The following MAP3K20 variants were observed in gnomAD, a reference collection of about 807,000 sequenced individuals.
MAP3K20 encodes mitogen-activated protein kinase kinase kinase 20.
In MAP3K20, 40 loss-of-function variants were observed where a neutral mutation model predicts 85.7. That is an observed-to-expected ratio of 0.47 (90% confidence interval 0.36 to 0.61). The LOEUF is 0.61. MAP3K20 is among the 20% of genes least tolerant of loss of function. MAP3K20 has a pLI of 0.00. For synonymous variants in MAP3K20, 325 were observed against 327.7 expected (o/e 0.99, Z 0.09); for missense variants, 817 against 961.7 (o/e 0.85, Z 1.99).
chr2:173,243,825 G>A (rs1684852857), intron 16 of MAP3K20, among the ~76,000 whole-genome samples: 1 of 152,084 alleles, frequency 6.6e-6, no homozygotes, highest in African/African-American at 2.4e-5. Context: ...GGGTTTCACC[G>A]TGTTAGTAGC....
chr2:173,092,222 C>A (rs1034953016), intron 2 of MAP3K20, among the ~76,000 whole-genome samples: 1 of 152,186 alleles, frequency 6.6e-6, no homozygotes, highest in Non-Finnish European at 1.5e-5. Context: ...ACTGAGAGAT[C>A]TCTGCCTTGG....
In MAP3K20 at chr2:173,266,802, AAATGT is replaced by A; in HGVS notation, c.*57_*61del. 7.7e-7 allele frequency: 1 copy of A among 1,298,332 alleles called. No individual in the cohort carries two copies. The highest frequency in any genetic ancestry group is 1.5e-5 in the African/African-American group (1 of 65,956). The allele number at this position is 1,298,332 out of a possible 1,614,324, so 80.4% of individuals were successfully genotyped here. A position where few individuals can be genotyped will look rare whatever the true frequency, so the allele number is the denominator to read the frequency against. On this transcript the variant is annotated 3_prime_UTR_variant, in exon 20 of 20. Coordinates refer to ENST00000375213, the MANE Select transcript of MAP3K20 (RefSeq NM_016653.3). ...GCAGGTTAAAAAAAAAAAAAAAAAG[AAATGT>A]AATGGTTTTTGATAATATGATCCCT...
chr2:173,263,870 C>T lies in MAP3K20; in HGVS notation c.1677C>T (p.Gly559=), dbSNP rs749078774. The part of the protein sequence containing the change: ...AIQTLFTNSD[G]NPGSRSDSSA... ...AGACATTATTCACCAATTCAGATGG[C>T]AACCCTGGAAGCAGGTCCGACTCAA... Residue 559 remains glycine (G), a synonymous_variant, in exon 19 of 20, where the codon GGC becomes GGT. Coordinates refer to ENST00000375213, the MANE Select transcript of MAP3K20 (RefSeq NM_016653.3). 186 of 1,611,842 alleles carry T rather than the reference C, an allele frequency of 1.2e-4. No individual in the cohort carries two copies. The highest frequency in any genetic ancestry group is 1.9e-4 in the Admixed American group (11 of 59,284).
At chr2:173,082,263 C>A (rs888959030) in intron 1 of MAP3K20, among the ~76,000 whole-genome samples, 1 of 152,198 alleles carries the variant, frequency 6.6e-6, no homozygotes, top group African/African-American at 2.4e-5. Flanking sequence ...CCACTTTGGC[C>A]TCCCAAAGAA....
intron 8 of MAP3K20, among the ~76,000 whole-genome samples, chr2:173,199,992 CATG>C (rs1690992285): frequency 6.6e-6 from 1 of 152,104 alleles, no homozygotes; most frequent in African/African-American, 2.4e-5. Context: ...CTATTTTATT[CATG>C]ATATGTTCTG....
chr2:173,266,819 A>G lies in MAP3K20; in HGVS notation c.*69A>G. On this transcript the variant is annotated 3_prime_UTR_variant, in exon 20 of 20. Coordinates refer to ENST00000375213, the MANE Select transcript of MAP3K20 (RefSeq NM_016653.3). ...AAAAAAAGAAATGTAATGGTTTTTG[A>G]TAATATGATCCCTTCAGATTGAATT... 7.6e-7 allele frequency: 1 copy of G among 1,315,428 alleles called. No individual in the cohort carries two copies. Among genetic ancestry groups the G allele is most frequent in the Non-Finnish European group, 1.0e-6 (1 of 993,784 alleles). 81.5% of individuals were successfully genotyped at this position (1,315,428 alleles called of 1,614,324 possible).
At chr2:173,230,314 T>TG (rs1313340588) in intron 12 of MAP3K20, among the ~76,000 whole-genome samples, 3 of 151,938 alleles carry the variant, frequency 2.0e-5, no homozygotes, top group South Asian at 4.2e-4. Flanking sequence ...TGAACATACT[T>TG]GAAAAAAAAG....
In MAP3K20 at chr2:173,208,632, C is replaced by T. The variant is rs1683772060; in HGVS notation, c.745-1097C>T. Among the ~76,000 whole-genome samples the T allele has an allele frequency of 3.9e-5, 6 of 151,912 alleles. 1 individual carries two copies. The South Asian group carries it at 1.2e-3, about 31-fold the overall frequency. ...TGCCCTTGAAAGAGAATAATAATGG[C>T]AGAACTCATTATATATCCTAGGTTT... On this transcript the variant is annotated intron_variant, in intron 9 of 19. Coordinates refer to ENST00000375213, the MANE Select transcript of MAP3K20 (RefSeq NM_016653.3).
rs1388150311 is a variant in MAP3K20 at position 173,237,018 on chromosome 2, C to CTT, written c.1204-1355_1204-1354insTT. Among the ~76,000 whole-genome samples, 875 of 119,668 alleles carry CTT rather than the reference C, an allele frequency of 7.3e-3. 10 individuals are homozygous for CTT. Among genetic ancestry groups the CTT allele is most frequent in the Middle Eastern group, 0.012 (3 of 250 alleles). 78.5% of individuals were successfully genotyped at this position (119,668 alleles called of 152,430 possible). A position where few individuals can be genotyped will look rare whatever the true frequency, so the allele number is the denominator to read the frequency against. On this transcript the variant is annotated intron_variant, in intron 14 of 19. Coordinates refer to ENST00000375213, the MANE Select transcript of MAP3K20 (RefSeq NM_016653.3). ...ACTGGACAGTGGAGCAGTATATCCA[C>CTT]CTTTTTTTTTTTTTTTTTTTTTTTT...
At chr2:173,240,277 G>C (rs1376526248) in intron 16 of MAP3K20, among the ~76,000 whole-genome samples, 3 of 152,166 alleles carry the variant, frequency 2.0e-5, no homozygotes, top group African/African-American at 7.2e-5. Context: ...TACTCATAAT[G>C]TGGAAGCCTT....
intron 4 of MAP3K20, among the ~76,000 whole-genome samples, chr2:173,183,382 A>AT: frequency 6.6e-6 from 1 of 152,350 alleles, no homozygotes; most frequent in Admixed American, 6.5e-5. Context: ...TGCTAAAAAT[A>AT]GAAACCACTT....
At chr2:173,218,496 T>G (rs1384210823) in intron 11 of MAP3K20, among the ~76,000 whole-genome samples, 1 of 152,222 alleles carries the variant, frequency 6.6e-6, no homozygotes, top group Non-Finnish European at 1.5e-5. Flanking sequence ...TGAGGGAAGT[T>G]TCCTGTTCTG....
chr2:173,236,708 G>A (rs1421934690), intron 14 of MAP3K20, among the ~76,000 whole-genome samples: 1 of 152,160 alleles, frequency 6.6e-6, no homozygotes, highest in African/African-American at 2.4e-5. Flanking sequence ...TTTCCAACAA[G>A]TTTATATGAG....
intron 2 of MAP3K20, among the ~76,000 whole-genome samples, chr2:173,099,498 CTT>C (rs1217232457): frequency 1.3e-5 from 2 of 151,854 alleles, no homozygotes; most frequent in African/African-American, 4.8e-5. Flanking sequence ...TTTATTTTGT[CTT>C]TTTTTATTTT....
chr2:173,229,231 T>C lies in MAP3K20; in HGVS notation c.988-458T>C, dbSNP rs182428689. Among the ~76,000 whole-genome samples the C allele has an allele frequency of 2.1e-3, 322 of 152,358 alleles. 1 individual carries two copies. Among genetic ancestry groups the C allele is most frequent in the Middle Eastern group, 0.01 (3 of 294 alleles). ...GTGCTAACATTTGGTTTTTAAAATA[T>C]TGTGCAAATGAGATCTTTCAACACT... On this transcript the variant is annotated intron_variant, in intron 11 of 19. Coordinates refer to ENST00000375213, the MANE Select transcript of MAP3K20 (RefSeq NM_016653.3).
intron 7 of MAP3K20, among the ~76,000 whole-genome samples, chr2:173,195,188 TAAAAAAAAA>T (rs34601946): frequency 8.1e-6 from 1 of 122,810 alleles, no homozygotes; most frequent in African/African-American, 3.0e-5. Flanking sequence ...AGCCTCTCTT[TAAAAAAAAA>T]AAAAAAAAAA....
At chr2:173,254,939 C>T (rs113246884) in intron 16 of MAP3K20, among the ~76,000 whole-genome samples, 2 of 152,304 alleles carry the variant, frequency 1.3e-5, no homozygotes, top group African/African-American at 4.8e-5. Flanking sequence ...CTGCATGTTG[C>T]AGCATATTCT....
At chr2:173,091,258 T>C in intron 2 of MAP3K20, 68 bp downstream of exon 2, 2 of 1,537,388 alleles carry the variant, frequency 1.3e-6, no homozygotes, top group Non-Finnish European at 1.8e-6. Flanking sequence ...AACCTCGAGT[T>C]AGAGGGTCAC....
intron 3 of MAP3K20, among the ~76,000 whole-genome samples, chr2:173,172,749 C>CA (rs1275697917): frequency 1.3e-5 from 2 of 151,886 alleles, no homozygotes; most frequent in African/African-American, 4.8e-5. Context: ...ACAAGAAACT[C>CA]AGAGTCCAAA....
Sources: gnomAD v4.1 joint callset for allele counts (sites outside exome capture counted in the v4.1 genomes callset) on GRCh38, gnomAD v4.1.1 for gene constraint, MANE v1.5 for transcripts, NCBI Gene and HGNC (gene_info 2026-07-23, HGNC 2026-07-21) for gene names.